TAFA5: variants seen among roughly 807,000 people sequenced by gnomAD.
The protein encoded by TAFA5 is TAFA chemokine like family member 5.
TAFA5 carries 6 observed loss-of-function variants against 15.3 expected under a neutral mutation model. The ratio of observed to expected loss-of-function variants is 0.39; its 90% CI spans 0.21 to 0.77. TAFA5 has a LOEUF of 0.77. TAFA5 is among the 30% of genes least tolerant of loss of function. The probability of loss-of-function intolerance (pLI) is 0.41; values close to 1 mark genes in which losing one functional copy is unlikely to be tolerated. For missense variants in TAFA5, 161 were observed against 193.1 expected (o/e 0.83, Z 0.98); for synonymous variants, 103 against 80.7 (o/e 1.28, Z -1.48).
At chr22:48,589,596 C>T (rs890064540) in intron 1 of TAFA5, among the ~76,000 whole-genome samples, 9 of 152,208 alleles carry the variant, frequency 5.9e-5, no homozygotes, top group African/African-American at 1.7e-4. Flanking sequence ...GAAAAAGGGC[C>T]TTTGCAGATG....
intron 1 of TAFA5, among the ~76,000 whole-genome samples, chr22:48,496,199 T>A (rs1290086565): frequency 6.6e-6 from 1 of 152,208 alleles, no homozygotes; most frequent in Non-Finnish European, 1.5e-5. Flanking sequence ...GTGGCCACTG[T>A]CGGGGTCACT....
chr22:48,654,888 C>T (rs1467630439), intron 2 of TAFA5, among the ~76,000 whole-genome samples: 1 of 151,998 alleles, frequency 6.6e-6, no homozygotes, highest in African/African-American at 2.4e-5. Flanking sequence ...CTCCTTATCC[C>T]CACAGTCATT....
chr22:48,534,364 C>T (rs1252242835), intron 1 of TAFA5, among the ~76,000 whole-genome samples: 1 of 152,076 alleles, frequency 6.6e-6, no homozygotes, highest in Non-Finnish European at 1.5e-5. Flanking sequence ...GTAGGGCAGG[C>T]AGGTGAGATG....
intron 1 of TAFA5, among the ~76,000 whole-genome samples, chr22:48,591,343 A>G (rs1924559524): frequency 6.6e-6 from 1 of 152,224 alleles, no homozygotes; most frequent in Admixed American, 6.5e-5. Context: ...AACTGCCCTC[A>G]GAGCCACAGG....
intron 1 of TAFA5, among the ~76,000 whole-genome samples, chr22:48,523,528 G>T (rs1460340526): frequency 3.3e-5 from 5 of 152,192 alleles, no homozygotes; most frequent in African/African-American, 1.2e-4. Context: ...CTGGCCCGGG[G>T]CCCCGGCTCT....
At position 48,646,756 on chromosome 22, in the gene TAFA5, C is replaced by A. The variant is rs1003041377; in HGVS notation, c.262+10C>A. On this transcript the variant is annotated intron_variant, in intron 2 of 3. Transcript: ENST00000402357. ...CCCGCCTGTGTGGACGGTAAGCACC[C>A]GTGGCCCCAGGACCCCTCCGGGTGC... 1 of 1,563,906 alleles carries A rather than the reference C, an allele frequency of 6.4e-7. No homozygotes were observed. The highest frequency in any genetic ancestry group is 1.3e-5 in the African/African-American group (1 of 74,340).
chr22:48,604,389 A>G (rs999503030), intron 1 of TAFA5, among the ~76,000 whole-genome samples: 1 of 152,096 alleles, frequency 6.6e-6, no homozygotes, highest in Non-Finnish European at 1.5e-5. Context: ...GTGTTTTCTC[A>G]TGGTGTTCCA....
At position 48,609,824 on chromosome 22, in the gene TAFA5, C is replaced by T. The variant is rs535030286; in HGVS notation, c.113-36773C>T. On this transcript the variant is annotated intron_variant, in intron 1 of 3. Transcript: ENST00000402357. Reference sequence around the variant, plus strand: ...CTGCTCCCGGCTGCTCTCTGGCTGCCCGTGGCTCAGGCAGCCCTTGGCTTC... The same window carrying T: ...CTGCTCCCGGCTGCTCTCTGGCTGCTCGTGGCTCAGGCAGCCCTTGGCTTC... 3.9e-5 allele frequency among the ~76,000 whole-genome samples: 6 copies of T among 152,308 alleles called. No individual in the cohort carries two copies. The East Asian group carries it at 1.2e-3, about 29-fold the overall frequency.
intron 2 of TAFA5, among the ~76,000 whole-genome samples, chr22:48,688,809 T>C (rs5771721): frequency 0.74 from 111,935 of 151,996 alleles, 41,545 homozygotes; most frequent in African/African-American, 0.81. Context: ...TGACCAACAT[T>C]GTGAAACCCC....
chr22:48,564,417 T>C (rs1242430479), intron 1 of TAFA5, among the ~76,000 whole-genome samples: 1 of 152,212 alleles, frequency 6.6e-6, no homozygotes, highest in Non-Finnish European at 1.5e-5. Flanking sequence ...AGTGCTGACC[T>C]TTTGGGCCTG....
At chr22:48,554,007 A>T (rs1922946009) in intron 1 of TAFA5, among the ~76,000 whole-genome samples, 1 of 152,230 alleles carries the variant, frequency 6.6e-6, no homozygotes, top group South Asian at 2.1e-4. Flanking sequence ...GCGACAAATG[A>T]GGTACAAACC....
rs148368753 is a variant in TAFA5 at position 48,670,687 on chromosome 22, G to A, written c.262+23941G>A. Among the ~76,000 whole-genome samples, 20 of 152,356 alleles carry A rather than the reference G, an allele frequency of 1.3e-4. No homozygotes were observed. The East Asian group carries it at 3.3e-3, about 25-fold the overall frequency. On this transcript the variant is annotated intron_variant, in intron 2 of 3. Coordinates refer to ENST00000402357, the MANE Select transcript of TAFA5 (RefSeq NM_001082967.3). ...TTTAGGAGCGGCTGGTTAATGACCC[G>A]GCAATTTTGCCGTCTCATCAGGATG...
In TAFA5 at chr22:48,706,350, G is replaced by A. The variant is rs1410683718; in HGVS notation, c.263-1367G>A. Among the ~76,000 whole-genome samples, 3 of 152,248 alleles carry A rather than the reference G, an allele frequency of 2.0e-5. No homozygotes were observed. In the East Asian group the frequency reaches 5.8e-4, roughly 29 times the overall value. On this transcript the variant is annotated intron_variant, in intron 2 of 3. Coordinates refer to ENST00000402357, the MANE Select transcript of TAFA5 (RefSeq NM_001082967.3). ...AGGAACTCGGAACAGTGAGGACCCC[G>A]AGGAACTGTGAGTGGGCGAGGAAGG...
chr22:48,602,092 G>A (rs1255625038), intron 1 of TAFA5, among the ~76,000 whole-genome samples: 1 of 152,176 alleles, frequency 6.6e-6, no homozygotes, highest in Non-Finnish European at 1.5e-5. Flanking sequence ...CCTCTGGGTG[G>A]TGCGAGAATG....
Position 48,550,487 on chromosome 22 carries a change from A to AC in TAFA5, c.112+60788dup, listed in dbSNP as rs1331334436. ...GATGGAACCAGATGTGAGGGCTTTG[A>AC]CCCCCACGGAGCCAGGTGCCCCTGG... On this transcript the variant is annotated intron_variant, in intron 1 of 3. Transcript: ENST00000402357. This position sits in a 1 kb window ranked among gnomAD's most constrained non-coding sequence, Gnocchi z 4.1. Among the ~76,000 whole-genome samples the AC allele has an allele frequency of 6.6e-6, 1 of 151,936 alleles. No homozygotes were observed. The highest frequency in any genetic ancestry group is 1.5e-5 in the Non-Finnish European group (1 of 67,974).
chr22:48,581,055 G>A (rs1171733524), intron 1 of TAFA5, among the ~76,000 whole-genome samples: 4 of 152,228 alleles, frequency 2.6e-5, no homozygotes. Flanking sequence ...GAAATGAAAA[G>A]GCGTTAAAAA....
intron 2 of TAFA5, among the ~76,000 whole-genome samples, chr22:48,669,422 G>A (rs9617494): frequency 0.36 from 55,507 of 152,166 alleles, 10,351 homozygotes; most frequent in Non-Finnish European, 0.41. Context: ...CATGCAGTCC[G>A]TGAGGACCCA....
intron 1 of TAFA5, among the ~76,000 whole-genome samples, chr22:48,498,309 T>G (rs907906421): frequency 1.0e-4 from 15 of 149,472 alleles, no homozygotes; most frequent in African/African-American, 3.2e-4. Flanking sequence ...GGGCTGAGGG[T>G]AGGAGTGGCT....
In TAFA5 at chr22:48,682,085, GT is replaced by G. The variant is rs130101; in HGVS notation, c.263-25629del. On this transcript the variant is annotated intron_variant, in intron 2 of 3. Transcript: ENST00000402357. ...ATCCCATTCGTGGAGCACAGTGGGT[GT>G]TTGATGACAAATCACAACTTCTGCA... 1.8e-4 allele frequency among the ~76,000 whole-genome samples: 10 copies of G among 56,268 alleles called. 1 individual carries two copies. Among genetic ancestry groups the G allele is most frequent in the African/African-American group, 3.5e-4 (8 of 23,060 alleles). The allele number at this position is 56,268 out of a possible 152,430, so 36.9% of individuals were successfully genotyped here.
Sources: gnomAD v4.1 joint callset for allele counts (sites outside exome capture counted in the v4.1 genomes callset) on GRCh38, gnomAD v4.1.1 for gene constraint, Gnocchi (gnomAD v3.1) non-coding constraint, MANE v1.5 for transcripts, NCBI Gene and HGNC (gene_info 2026-07-23, HGNC 2026-07-21) for gene names.